The following MAST4 variants were observed in gnomAD, a reference collection of about 807,000 sequenced individuals.
The protein encoded by MAST4 is microtubule-associated serine/threonine-protein kinase 4.
A neutral mutation model predicts 162.7 loss-of-function variants in MAST4; 89 were observed. The ratio of observed to expected loss-of-function variants is 0.55; its 90% CI spans 0.46 to 0.65. The LOEUF (loss-of-function observed/expected upper bound fraction) is 0.65. MAST4 is among the 30% of genes least tolerant of loss of function. MAST4 has a pLI of 0.00. For synonymous variants in MAST4, 1,479 were observed against 1,361.1 expected, an observed-to-expected ratio of 1.09 and a Z score of -1.91; for missense variants, 3,153 against 3,374.0, an observed-to-expected ratio of 0.93 and a Z score of 1.62.
intron 1 of MAST4, among the ~76,000 whole-genome samples, chr5:66,666,205 G>T (rs1747247714): frequency 1.3e-5 from 2 of 152,302 alleles, no homozygotes; most frequent in South Asian, 2.1e-4. Context: ...AGGTGCTTTT[G>T]ATTGAGCCTT....
At chr5:67,072,560 A>G (rs1391348443) in intron 5 of MAST4, among the ~76,000 whole-genome samples, 1 of 152,244 alleles carries the variant, frequency 6.6e-6, no homozygotes, top group Non-Finnish European at 1.5e-5. Context: ...GAAACAAAAT[A>G]TATAATTCAA....
intron 4 of MAST4, among the ~76,000 whole-genome samples, chr5:66,974,338 T>C (rs747420197): frequency 7.2e-5 from 11 of 152,212 alleles, no homozygotes; most frequent in Non-Finnish European, 1.3e-4. Flanking sequence ...TAGAAATGAA[T>C]GAATGAACGA....
intron 3 of MAST4, among the ~76,000 whole-genome samples, chr5:66,876,581 A>G (rs1436974927): frequency 6.6e-6 from 1 of 152,166 alleles, no homozygotes; most frequent in South Asian, 2.1e-4. Context: ...AAGTCACACC[A>G]TGTACCTCAT....
chr5:67,053,029 C>T (rs2150552685), intron 4 of MAST4, among the ~76,000 whole-genome samples: 1 of 152,162 alleles, frequency 6.6e-6, no homozygotes, highest in African/African-American at 2.4e-5. Context: ...TGATAATATC[C>T]AACCCACCTT....
At position 67,134,615 on chromosome 5, in the gene MAST4, C is replaced by G. The variant is rs1769391449; in HGVS notation, c.2319C>G (p.Leu773=). The change falls in exon 18 of 29, where the codon CTC becomes CTG. Residue 773 remains leucine (L), a synonymous_variant. Coordinates refer to ENST00000403625, the MANE Select transcript of MAST4 (RefSeq NM_001164664.2). ...PVDWWAMGII[L]YEFLVGCVPF... ...ACTGGTGGGCCATGGGGATTATCCT[C>G]TATGAATTTCTGGTTGGATGCGTGC... 1 of 1,613,666 alleles carries G rather than the reference C, an allele frequency of 6.2e-7. No homozygotes were observed. The highest frequency in any genetic ancestry group is 2.2e-5 in the East Asian group (1 of 44,864).
At chr5:67,131,644 C>T (rs569967994) in intron 15 of MAST4, among the ~76,000 whole-genome samples, 169 bp from the exon 16 acceptor site, 45 of 152,320 alleles carry the variant, frequency 3.0e-4, no homozygotes, top group African/African-American at 1.1e-3. Flanking sequence ...TTTCTCCATA[C>T]TGTTTCTTAG....
intron 2 of MAST4, among the ~76,000 whole-genome samples, chr5:66,768,946 A>G (rs1175881668): frequency 6.6e-6 from 1 of 152,176 alleles, no homozygotes; most frequent in Non-Finnish European, 1.5e-5. Context: ...TTCTCAGTGC[A>G]TTGTGAGAGA....
intron 1 of MAST4, among the ~76,000 whole-genome samples, chr5:66,698,683 A>G (rs1749568803): frequency 6.6e-6 from 1 of 152,132 alleles, no homozygotes; most frequent in Non-Finnish European, 1.5e-5. Context: ...TCTGCCTGGC[A>G]TCTCCACTTG....
At chr5:67,007,716 T>C (rs538660852) in intron 4 of MAST4, among the ~76,000 whole-genome samples, 1 of 152,310 alleles carries the variant, frequency 6.6e-6, no homozygotes, top group South Asian at 2.1e-4. Flanking sequence ...TTTATTATGG[T>C]AGAAATTGTC....
intron 3 of MAST4, among the ~76,000 whole-genome samples, chr5:66,876,045 G>T (rs962207951): frequency 6.6e-6 from 1 of 152,188 alleles, no homozygotes; most frequent in African/African-American, 2.4e-5. Flanking sequence ...GGGATTACAG[G>T]TGTGAGCCAC....
chr5:66,652,785 A>G (rs944571787), intron 1 of MAST4, among the ~76,000 whole-genome samples: 3 of 152,228 alleles, frequency 2.0e-5, no homozygotes, highest in Non-Finnish European at 4.4e-5. Context: ...GAGTTTGGGC[A>G]TAAATAATAT....
At chr5:66,787,010 G>T (rs1755150557) in intron 2 of MAST4, among the ~76,000 whole-genome samples, 1 of 152,118 alleles carries the variant, frequency 6.6e-6, no homozygotes, top group East Asian at 1.9e-4. Context: ...AAATCACTAA[G>T]GTGTTGATAG....
At chr5:67,138,609 T>C (rs904541153) in intron 19 of MAST4, among the ~76,000 whole-genome samples, 23 of 152,110 alleles carry the variant, frequency 1.5e-4, no homozygotes, top group African/African-American at 5.1e-4. Context: ...ACTTTTTGTA[T>C]TTTTAGTAGA....
Position 67,166,407 on chromosome 5 carries a change from G to T in MAST4, c.7228G>T (p.Val2410Leu), listed in dbSNP as rs746549869. ...AGGCGCGGAGCGGCCAGCCGCGGGGGTGGGGAAGGGCTTCCCTGAGGCCAG... is the reference window on the plus strand; with the variant it reads ...AGGCGCGGAGCGGCCAGCCGCGGGGTTGGGGAAGGGCTTCCCTGAGGCCAG... ...LKGAERPAAGVGKGFPEARGK... is the reference protein window; with the variant it reads ...LKGAERPAAGLGKGFPEARGK... Residue 2410 changes from valine (V) to leucine (L), a missense_variant, in exon 29 of 29, where the codon GTG becomes TTG. Physicochemically the swap from Val to Leu is conservative, Grantham distance 32. Around this residue, in one of 7 missense-constraint regions of MAST4, gnomAD observed 1,644 missense variants for 1,495.0 expected, o/e 1.10. Coordinates refer to ENST00000403625, the MANE Select transcript of MAST4 (RefSeq NM_001164664.2). The T allele has an allele frequency of 1.8e-5, 29 of 1,609,734 alleles. No individual in the cohort carries two copies. The highest frequency in any genetic ancestry group is 2.5e-5 in the Non-Finnish European group (29 of 1,178,036).
At chr5:66,925,821 T>C (rs985915635) in intron 4 of MAST4, among the ~76,000 whole-genome samples, 2 of 152,210 alleles carry the variant, frequency 1.3e-5, no homozygotes, top group African/African-American at 4.8e-5. Context: ...AACCCTATAA[T>C]TGATCAAGTA....
chr5:66,663,277 G>T (rs955333600), intron 1 of MAST4, among the ~76,000 whole-genome samples: 1 of 152,110 alleles, frequency 6.6e-6, no homozygotes, highest in Admixed American at 6.5e-5. Flanking sequence ...GGTCTCCTTT[G>T]TGATACATTT....
At chr5:66,944,915 C>A (rs1306424421) in intron 4 of MAST4, among the ~76,000 whole-genome samples, 2 of 152,108 alleles carry the variant, frequency 1.3e-5, no homozygotes, top group African/African-American at 2.4e-5. Flanking sequence ...CTAGTGTAAT[C>A]TCCTTTTTGA....
chr5:67,164,296 T>G lies in MAST4; in HGVS notation c.5117T>G (p.Leu1706Arg). 6.2e-7 allele frequency: 1 copy of G among 1,613,990 alleles called. No individual in the cohort carries two copies. The highest frequency in any genetic ancestry group is 8.5e-7 in the Non-Finnish European group (1 of 1,179,862). Residue 1706 changes from leucine to arginine, a missense_variant, in exon 29 of 29, where the codon CTG (leucine) becomes CGG (arginine). Physicochemically the swap from Leu to Arg is moderately radical, Grantham distance 102. Coordinates refer to ENST00000403625, the MANE Select transcript of MAST4 (RefSeq NM_001164664.2). This position sits in a 1 kb window ranked among gnomAD's most constrained non-coding sequence, Gnocchi z 5.3. ...EDKEDNLCPV[L>R]KPKMTAGSHE... ...AAAGAGGACAACCTCTGCCCTGTGC[T>G]GAAGCCCAAGATGACAGCTGGCTCC...
intron 1 of MAST4, among the ~76,000 whole-genome samples, chr5:66,666,128 A>T: frequency 6.6e-6 from 1 of 152,178 alleles, no homozygotes; most frequent in South Asian, 2.1e-4. Context: ...TCATTTAGTT[A>T]TTCAGTATAT....
Sources: gnomAD v4.1 joint callset for allele counts (sites outside exome capture counted in the v4.1 genomes callset) on GRCh38, gnomAD v4.1.1 for gene constraint, gnomAD v4.1.1 regional missense constraint, Gnocchi (gnomAD v3.1) non-coding constraint, MANE v1.5 for transcripts, NCBI Gene and HGNC (gene_info 2026-07-23, HGNC 2026-07-21) for gene names.